The following KLF12 variants were observed in gnomAD, a reference collection of about 807,000 sequenced individuals.
The protein encoded by KLF12 is KLF transcription factor 12.
Under a neutral mutation model 37.8 loss-of-function variants are expected in KLF12, and 9 were observed. The ratio of observed to expected loss-of-function variants is 0.24; its 90% CI spans 0.14 to 0.42. KLF12 has a LOEUF of 0.42. Among genes scored for constraint, KLF12 ranks in the 10% least tolerant of loss-of-function variants. The pLI is 1.00. For missense variants in KLF12, 411 were observed against 516.0 expected, an observed-to-expected ratio of 0.80 and a Z score of 1.97; for synonymous variants, 208 against 202.1, an observed-to-expected ratio of 1.03 and a Z score of -0.25.
At chr13:74,143,977 G>T in the KLF12 span, among the ~76,000 whole-genome samples, 1 of 152,178 alleles carries the variant, frequency 6.6e-6, no homozygotes, top group Non-Finnish European at 1.5e-5. Flanking sequence ...TAATCCCATT[G>T]TGAGTTGAGA....
At chr13:74,206,587 C>T in the KLF12 span, among the ~76,000 whole-genome samples, 1 of 152,086 alleles carries the variant, frequency 6.6e-6, no homozygotes. Context: ...TTCCTTCATC[C>T]ACTGATCCAG....
At chr13:73,748,871 A>T (rs1230642200) in intron 6 of KLF12, among the ~76,000 whole-genome samples, 4 of 152,176 alleles carry the variant, frequency 2.6e-5, no homozygotes, top group Non-Finnish European at 1.5e-5. Flanking sequence ...TGCTCTTTCC[A>T]TTGAGTTGTT....
At chr13:74,241,842 T>C in the KLF12 span, among the ~76,000 whole-genome samples, 4 of 152,144 alleles carry the variant, frequency 2.6e-5, no homozygotes, top group Admixed American at 1.3e-4. Context: ...GCGCCCACTG[T>C]CTGGCACTCC....
chr13:73,736,637 G>T (rs1227364533), intron 6 of KLF12, among the ~76,000 whole-genome samples: 1 of 152,196 alleles, frequency 6.6e-6, no homozygotes, highest in African/African-American at 2.4e-5. Context: ...AACAGGTAAT[G>T]CGCAAATGCA....
At chr13:73,877,366 T>C (rs7320511) in intron 3 of KLF12, among the ~76,000 whole-genome samples, 5,377 of 152,294 alleles carry the variant, frequency 0.035, 290 homozygotes, top group African/African-American at 0.12. Context: ...CAGATCATCA[T>C]TTTGGGTTCT....
At chr13:73,762,577 A>C (rs1159777561) in intron 6 of KLF12, among the ~76,000 whole-genome samples, 3 of 152,096 alleles carry the variant, frequency 2.0e-5, no homozygotes, top group Admixed American at 6.6e-5. Flanking sequence ...TTGCTAAGCT[A>C]CCTTCACAAA....
chr13:74,269,050 A>G, the KLF12 span, among the ~76,000 whole-genome samples: 1 of 152,230 alleles, frequency 6.6e-6, no homozygotes, highest in African/African-American at 2.4e-5. Context: ...AAGTATAGCA[A>G]TAAATTAAAA....
chr13:74,207,132 T>G, the KLF12 span, among the ~76,000 whole-genome samples: 1 of 152,186 alleles, frequency 6.6e-6, no homozygotes, highest in Non-Finnish European at 1.5e-5. Flanking sequence ...AGGCTGAACC[T>G]GTCCTTTCAT....
chr13:73,805,713 G>C (rs113220245), intron 5 of KLF12, among the ~76,000 whole-genome samples: 1 of 142,000 alleles, frequency 7.0e-6, no homozygotes, highest in African/African-American at 2.8e-5. Flanking sequence ...AGGAAGGAAG[G>C]GGAAAAGATT....
chr13:73,859,910 T>G (rs1360906299), intron 3 of KLF12, among the ~76,000 whole-genome samples: 2 of 152,176 alleles, frequency 1.3e-5, no homozygotes, highest in East Asian at 3.9e-4. Context: ...ATGTAATTTC[T>G]TTTCTTCCTT....
intron 6 of KLF12, among the ~76,000 whole-genome samples, chr13:73,723,280 G>A (rs1397976476): frequency 2.0e-5 from 3 of 152,092 alleles, no homozygotes; most frequent in African/African-American, 4.8e-5. Flanking sequence ...TATGCATTGC[G>A]AAGACTTTAT....
chr13:74,291,544 T>C, the KLF12 span, among the ~76,000 whole-genome samples: 1 of 152,174 alleles, frequency 6.6e-6, no homozygotes, highest in Non-Finnish European at 1.5e-5. Context: ...AGAACATATA[T>C]GGCGAAGGTT....
chr13:74,272,917 G>A, the KLF12 span, among the ~76,000 whole-genome samples: 5 of 152,158 alleles, frequency 3.3e-5, no homozygotes. Flanking sequence ...TGTGTCCAAG[G>A]AATAAAAGTA....
chr13:74,161,820 A>G, the KLF12 span, among the ~76,000 whole-genome samples: 1 of 152,188 alleles, frequency 6.6e-6, no homozygotes, highest in Non-Finnish European at 1.5e-5. Flanking sequence ...TGAATGCTCC[A>G]TATACGTAAG....
chr13:74,027,095 A>G (rs1417394180), intron 1 of KLF12, among the ~76,000 whole-genome samples: 1 of 152,218 alleles, frequency 6.6e-6, no homozygotes, highest in Non-Finnish European at 1.5e-5. Flanking sequence ...ATAAAGAAGC[A>G]GAATAGAAAA....
chr13:74,115,861 T>G (rs1258460514), intron 1 of KLF12, among the ~76,000 whole-genome samples: 1 of 152,202 alleles, frequency 6.6e-6, no homozygotes, highest in Non-Finnish European at 1.5e-5. Context: ...CACTTGTCAC[T>G]GAATTTAGAG....
chr13:73,771,580 T>G (rs963265325), intron 5 of KLF12, among the ~76,000 whole-genome samples: 4 of 152,236 alleles, frequency 2.6e-5, no homozygotes, highest in African/African-American at 9.6e-5. Context: ...CCAGAGCACC[T>G]AAAGCATCAG....
chr13:74,212,657 A>G, the KLF12 span, among the ~76,000 whole-genome samples: 2 of 152,150 alleles, frequency 1.3e-5, no homozygotes, highest in Non-Finnish European at 2.9e-5. Flanking sequence ...ATGAGTGTAA[A>G]CAACCGCAAA....
rs528085633 is a variant in KLF12 at position 73,729,261 on chromosome 13, G to A, written c.870-13736C>T. On this transcript the variant is annotated intron_variant, in intron 6 of 7. Coordinates refer to ENST00000377669, the MANE Select transcript of KLF12 (RefSeq NM_007249.5). Reference sequence around the variant, plus strand: ...TTTACTTTCCCAGATTCACTCTTCTGCATTATTGGCCACACACTGTCTAAA... The same window carrying A: ...TTTACTTTCCCAGATTCACTCTTCTACATTATTGGCCACACACTGTCTAAA... Among the ~76,000 whole-genome samples the A allele has an allele frequency of 2.6e-5, 4 of 152,266 alleles. No homozygotes were observed. In the East Asian group the frequency reaches 7.7e-4, roughly 29 times the overall value.
Sources: allele counts gnomAD v4.1 joint callset (sites outside exome capture counted in the v4.1 genomes callset), GRCh38; gene constraint gnomAD v4.1.1; transcripts MANE v1.5; gene names NCBI Gene and HGNC (gene_info 2026-07-23, HGNC 2026-07-21).